The following WBP1L variants were observed in gnomAD, a reference collection of about 807,000 sequenced individuals.
WBP1L encodes WW domain binding protein 1 like.
In WBP1L, 17 loss-of-function variants were observed where a neutral mutation model predicts 33.7. The observed-to-expected ratio is 0.50, with a 90% CI of 0.34 to 0.76. WBP1L has a LOEUF of 0.76. Ranked by LOEUF, WBP1L falls within the 30% of genes least tolerant of loss-of-function variation. The pLI is 0.01. For missense variants in WBP1L, 389 were observed against 469.4 expected (o/e 0.83, Z 1.58); for synonymous variants, 173 against 190.8 (o/e 0.91, Z 0.77).
At chr10:102,749,496 G>C (rs977501541) in intron 1 of WBP1L, among the ~76,000 whole-genome samples, 1 of 150,610 alleles carries the variant, frequency 6.6e-6, no homozygotes, top group Admixed American at 6.6e-5. Flanking sequence ...TTTTTAAGTA[G>C]AGATGAGTGT....
intron 1 of WBP1L, among the ~76,000 whole-genome samples, chr10:102,789,961 A>G (rs1296639688): frequency 6.6e-6 from 1 of 151,818 alleles, no homozygotes; most frequent in African/African-American, 2.4e-5. Flanking sequence ...GATGGTCTCG[A>G]TCTCCTGACC....
rs1489412806 is a variant in WBP1L, at chr10:102,774,546, G to A, written c.91-23447G>A. 3.3e-5 allele frequency among the ~76,000 whole-genome samples: 5 copies of A among 152,114 alleles called. No individual in the cohort carries two copies. In the South Asian group the frequency reaches 8.3e-4, roughly 25 times the overall value. On this transcript the variant is annotated intron_variant, in intron 1 of 3. Coordinates refer to ENST00000448841, the MANE Select transcript of WBP1L (RefSeq NM_001083913.2). ...ACCTTGACCATCATTGGGGACCTGC[G>A]GTAAACACGTTGTGTGTCTGGCTGG... is the stretch of plus-strand genomic sequence containing the variant.
intron 1 of WBP1L, among the ~76,000 whole-genome samples, chr10:102,779,188 C>T (rs1054288493): frequency 6.6e-6 from 1 of 151,734 alleles, no homozygotes; most frequent in African/African-American, 2.4e-5. Context: ...CCCAGCTTTT[C>T]AGGAGGCTGA....
At chr10:102,796,543 T>C (rs1006609466) in intron 1 of WBP1L, among the ~76,000 whole-genome samples, 4 of 152,166 alleles carry the variant, frequency 2.6e-5, no homozygotes, top group Non-Finnish European at 2.9e-5. Flanking sequence ...GAGCCGACCA[T>C]GTGACTTCAG....
At chr10:102,797,866 A>G in intron 1 of WBP1L, 127 bp from the exon 2 acceptor site, 1 of 866,728 alleles carries the variant, frequency 1.2e-6, no homozygotes, top group Non-Finnish European at 1.8e-6. Context: ...TGATTTTCTT[A>G]ATGGAATAAA....
intron 1 of WBP1L, among the ~76,000 whole-genome samples, chr10:102,791,120 TCA>T (rs1300525307): frequency 6.6e-6 from 1 of 152,156 alleles, no homozygotes; most frequent in Non-Finnish European, 1.5e-5. Flanking sequence ...GTACTGGTTC[TCA>T]GTTCCAATTC....
chr10:102,746,135 G>A, intron 1 of WBP1L: 1 of 985,334 alleles, frequency 1.0e-6, no homozygotes, highest in Non-Finnish European at 1.2e-6. Flanking sequence ...CGGGGATGAT[G>A]GAAAGTGGAG....
At chr10:102,775,516 C>G (rs572597818) in intron 1 of WBP1L, among the ~76,000 whole-genome samples, 1 of 152,282 alleles carries the variant, frequency 6.6e-6, no homozygotes, top group African/African-American at 2.4e-5. Flanking sequence ...AACTTGGAGG[C>G]TGCGGTGGGA....
chr10:102,814,280 C>A lies in WBP1L; in HGVS notation c.*949C>A. 6.6e-6 allele frequency: 1 copy of A among 151,616 alleles called. No homozygotes were observed. Among genetic ancestry groups the A allele is most frequent in the East Asian group, 1.9e-4 (1 of 5,190 alleles). 9.4% of individuals were successfully genotyped at this position (151,616 alleles called of 1,614,324 possible). A position where few individuals can be genotyped will look rare whatever the true frequency, so the allele number is the denominator to read the frequency against. On this transcript the variant is annotated 3_prime_UTR_variant, in exon 4 of 4. Transcript: ENST00000448841. ...GCCGCAGCAGTGGATAGAGGTGCAGCTCTCTGCCTCTCTGCCCTTTGGTCT... is the reference window on the plus strand; with the variant it reads ...GCCGCAGCAGTGGATAGAGGTGCAGATCTCTGCCTCTCTGCCCTTTGGTCT...
At chr10:102,770,440 C>T (rs1350029533) in intron 1 of WBP1L, among the ~76,000 whole-genome samples, 1 of 152,200 alleles carries the variant, frequency 6.6e-6, no homozygotes, top group Non-Finnish European at 1.5e-5. Context: ...CTGTCCTGTT[C>T]TGACAAACTC....
chr10:102,780,712 G>T (rs1432807349), intron 1 of WBP1L, among the ~76,000 whole-genome samples: 1 of 152,174 alleles, frequency 6.6e-6, no homozygotes, highest in South Asian at 2.1e-4. Context: ...CACTAGAAAA[G>T]AATAGAATGC....
chr10:102,813,546 G>C lies in WBP1L; in HGVS notation c.*215G>C, dbSNP rs148084378. 4.7e-6 allele frequency: 3 copies of C among 633,962 alleles called. No homozygotes were observed. Among genetic ancestry groups the C allele is most frequent in the African/African-American group, 3.7e-5 (2 of 54,584 alleles). The allele number at this position is 633,962 out of a possible 1,614,324, so 39.3% of individuals were successfully genotyped here. On this transcript the variant is annotated 3_prime_UTR_variant, in exon 4 of 4. Transcript: ENST00000448841. ...TCCACAAGGGCACAGTGTTGTGGAG[G>C]GCTAAGTTGGTTCTGTGACTCATTC...
chr10:102,784,178 C>T (rs986908082), intron 1 of WBP1L, among the ~76,000 whole-genome samples: 1 of 152,024 alleles, frequency 6.6e-6, no homozygotes, highest in African/African-American at 2.4e-5. Flanking sequence ...TACTACCCCC[C>T]AGGAGGAGAG....
At chr10:102,771,345 C>G (rs1473061573) in intron 1 of WBP1L, among the ~76,000 whole-genome samples, 1 of 151,872 alleles carries the variant, frequency 6.6e-6, no homozygotes, top group Non-Finnish European at 1.5e-5. Flanking sequence ...TTGCTTGAGG[C>G]CAGGGATTCG....
chr10:102,810,059 G>C lies in WBP1L; in HGVS notation c.355+5G>C. The stretch of plus-strand genomic sequence containing the variant: ...CAGCGCTGCCATTTTATTTCAGTAC[G>C]TACACCCAAGCCCCCATACCCACCC... On this transcript the variant is annotated splice_donor_5th_base_variant and intron_variant, in intron 3 of 3. Coordinates refer to ENST00000448841, the MANE Select transcript of WBP1L (RefSeq NM_001083913.2). The C allele has an allele frequency of 6.2e-7, 1 of 1,605,384 alleles. No homozygotes were observed. The highest frequency in any genetic ancestry group is 2.2e-5 in the East Asian group (1 of 44,842).
At position 102,759,639 on chromosome 10, in the gene WBP1L, G is replaced by C. The variant is rs150114634; in HGVS notation, c.90+15496G>C. ...TATTATGAATAATGCTGCTGTGAAC[G>C]TTGGTGTACAAGTTTTTTTGTTTGT... On this transcript the variant is annotated intron_variant, in intron 1 of 3. Transcript: ENST00000448841. Among the ~76,000 whole-genome samples the C allele has an allele frequency of 8.2e-3, 1,252 of 152,274 alleles. 10 individuals carry two copies. Among genetic ancestry groups the C allele is most frequent in the African/African-American group, 0.029 (1,185 of 41,564 alleles).
At chr10:102,749,898 C>T (rs1842908772) in intron 1 of WBP1L, among the ~76,000 whole-genome samples, 1 of 151,190 alleles carries the variant, frequency 6.6e-6, no homozygotes, top group Admixed American at 6.6e-5. Context: ...ATGCCTCAGC[C>T]TCCCAAATAG....
intron 2 of WBP1L, among the ~76,000 whole-genome samples, chr10:102,808,773 T>A (rs182923069): frequency 2.0e-5 from 3 of 152,344 alleles, no homozygotes; most frequent in Admixed American, 6.5e-5. Flanking sequence ...CCTGATTTTT[T>A]TGATGCTATC....
chr10:102,769,998 A>G (rs940774017), intron 1 of WBP1L, among the ~76,000 whole-genome samples: 2 of 152,188 alleles, frequency 1.3e-5, no homozygotes, highest in African/African-American at 4.8e-5. Context: ...GGCCTGCTAC[A>G]TGCCTGCCTT....
Sources: gnomAD v4.1 joint callset for allele counts (sites outside exome capture counted in the v4.1 genomes callset) on GRCh38, gnomAD v4.1.1 for gene constraint, MANE v1.5 for transcripts, NCBI Gene and HGNC (gene_info 2026-07-23, HGNC 2026-07-21) for gene names.